The following RBFOX3 variants were observed in gnomAD, a reference collection of about 807,000 sequenced individuals.
The protein encoded by RBFOX3 is RNA binding fox-1 homolog 3, also known as RNA binding protein fox-1 homolog 3.
RBFOX3 carries 17 observed loss-of-function variants against 48.7 expected under a neutral mutation model. That is an observed-to-expected ratio of 0.35 (90% CI 0.24 to 0.52). RBFOX3 has a LOEUF of 0.52. Among genes scored for constraint, RBFOX3 ranks in the 20% least tolerant of loss-of-function variants. The pLI, the probability that RBFOX3 is intolerant of heterozygous loss-of-function variation, is 0.94. For missense variants in RBFOX3, 382 were observed against 497.5 expected, an observed-to-expected ratio of 0.77 and a Z score of 2.21; for synonymous variants, 212 against 209.5, an observed-to-expected ratio of 1.01 and a Z score of -0.10.
chr17:79,234,714 T>TTAAGTGC (rs2061426066), intron 4 of RBFOX3: 1 of 141,228 alleles, frequency 7.1e-6, no homozygotes, highest in Middle Eastern at 3.4e-3. Context: ...ATTGGGGGCA[T>TTAAGTGC]TAAGTGCTTT....
At chr17:79,505,483 C>T (rs2082972961) in intron 1 of RBFOX3, among the ~76,000 whole-genome samples, 1 of 152,166 alleles carries the variant, frequency 6.6e-6, no homozygotes, top group Admixed American at 6.5e-5. Flanking sequence ...CCTGGGCTGC[C>T]TCTCTTCCCT....
rs1447642150 is a variant in RBFOX3 at position 79,110,125 on chromosome 17, C to T, written c.223-3337G>A. Among the ~76,000 whole-genome samples the T allele has an allele frequency of 5.7e-5, 6 of 104,508 alleles. No individual in the cohort carries two copies. In the East Asian group the frequency reaches 1.7e-3, roughly 30 times the overall value. 68.6% of individuals were successfully genotyped at this position (104,508 alleles called of 152,430 possible). A position where few individuals can be genotyped will look rare whatever the true frequency, so the allele number is the denominator to read the frequency against. On this transcript the variant is annotated intron_variant, in intron 5 of 14. Coordinates refer to ENST00000693108, the MANE Select transcript of RBFOX3 (RefSeq NM_001350451.2). ...AGCTTTCTCAGGGGCTTTCTTTCCC[C>T]CACTCAAAAAAAAAAAAAAAAGCCG...
intron 1 of RBFOX3, among the ~76,000 whole-genome samples, chr17:79,529,317 C>T (rs1292266798): frequency 6.6e-6 from 1 of 152,248 alleles, no homozygotes; most frequent in Non-Finnish European, 1.5e-5. Flanking sequence ...CACCCCACCG[C>T]ATCACCTGAT....
intron 4 of RBFOX3, among the ~76,000 whole-genome samples, chr17:79,197,217 G>A (rs1237614835): frequency 6.6e-6 from 1 of 152,094 alleles, no homozygotes; most frequent in Admixed American, 6.6e-5. Context: ...GCCCTCCGTC[G>A]GGGCTGTCCA....
chr17:79,517,646 A>G lies in RBFOX3; in HGVS notation c.-319-35048T>C, dbSNP rs1334357152. ...GGACAACTCAAAAACTCCAAGGTGC[A>G]GTGAAAACCCCACCCAGCCCACCAC... On this transcript the variant is annotated intron_variant, in intron 1 of 14. Coordinates refer to ENST00000693108, the MANE Select transcript of RBFOX3 (RefSeq NM_001350451.2). Among the ~76,000 whole-genome samples the G allele has an allele frequency of 3.3e-5, 5 of 152,092 alleles. No individual in the cohort carries two copies. In the East Asian group the frequency reaches 9.7e-4, roughly 29 times the overall value.
intron 4 of RBFOX3, among the ~76,000 whole-genome samples, chr17:79,180,774 A>G (rs1385965312): frequency 6.6e-6 from 1 of 152,064 alleles, no homozygotes; most frequent in East Asian, 1.9e-4. Context: ...TCCGGAGTCC[A>G]CCGAGACACA....
chr17:79,265,013 T>C (rs1308530559), intron 3 of RBFOX3, among the ~76,000 whole-genome samples: 1 of 151,206 alleles, frequency 6.6e-6, no homozygotes, highest in African/African-American at 2.4e-5. Context: ...TGCATCAAAC[T>C]ACTACAGAAA....
At chr17:79,602,147 C>T (rs1228893430) in intron 1 of RBFOX3, 2 of 152,218 alleles carry the variant, frequency 1.3e-5, no homozygotes, top group African/African-American at 2.4e-5. Context: ...TCCCAGACAA[C>T]GTCACAAGGC....
chr17:79,419,959 T>C (rs1598612180), intron 2 of RBFOX3, among the ~76,000 whole-genome samples: 1 of 152,280 alleles, frequency 6.6e-6, no homozygotes, highest in East Asian at 1.9e-4. Flanking sequence ...AAACCTCGTC[T>C]CTACTAAAAT....
At chr17:79,584,581 A>G (rs1199035099) in intron 1 of RBFOX3, among the ~76,000 whole-genome samples, 12 of 151,832 alleles carry the variant, frequency 7.9e-5, no homozygotes, top group African/African-American at 2.9e-4. Flanking sequence ...TATGAATACT[A>G]CTCAGCCATA....
intron 2 of RBFOX3, among the ~76,000 whole-genome samples, chr17:79,460,220 A>G (rs1449490533): frequency 3.9e-5 from 6 of 152,290 alleles, no homozygotes; most frequent in African/African-American, 1.4e-4. Context: ...ATACCACTGA[A>G]TCGCACCCTT....
At chr17:79,382,494 G>C (rs542436625) in intron 2 of RBFOX3, among the ~76,000 whole-genome samples, 1 of 152,242 alleles carries the variant, frequency 6.6e-6, no homozygotes, top group Non-Finnish European at 1.5e-5. Flanking sequence ...GGGCAAACCT[G>C]TTTCCCATGT....
intron 14 of RBFOX3, chr17:79,091,906 T>C: frequency 3.2e-6 from 3 of 951,718 alleles, no homozygotes; most frequent in Non-Finnish European, 3.8e-6. Flanking sequence ...CACAGCAGTT[T>C]GCACACCACG....
the RBFOX3 span, among the ~76,000 whole-genome samples, chr17:79,656,215 T>C: frequency 3.3e-5 from 5 of 152,176 alleles, no homozygotes; most frequent in African/African-American, 1.2e-4. Flanking sequence ...CTGTTCTGCA[T>C]TTCTGGTCAC....
intron 3 of RBFOX3, among the ~76,000 whole-genome samples, chr17:79,295,727 T>C (rs140390707): frequency 6.6e-6 from 1 of 152,176 alleles, no homozygotes; most frequent in Non-Finnish European, 1.5e-5. Flanking sequence ...CCTGTGTCCA[T>C]CCCACAAGGA....
the RBFOX3 span, among the ~76,000 whole-genome samples, chr17:79,616,541 A>G: frequency 7.9e-4 from 118 of 148,944 alleles, 1 homozygote; most frequent in East Asian, 0.022. Flanking sequence ...ATCTCAAGAA[A>G]AAAAAAAAAA....
chr17:79,143,709 C>T lies in RBFOX3; in HGVS notation c.-33-27961G>A, dbSNP rs904795223. On this transcript the variant is annotated intron_variant, in intron 4 of 14. Transcript: ENST00000693108. Reference sequence around the variant, plus strand: ...GGGGACCGTCGTCCTCCAGCACAGGCCCCCACACCTGGAAGCCACTCTGCA... The same window carrying T: ...GGGGACCGTCGTCCTCCAGCACAGGTCCCCACACCTGGAAGCCACTCTGCA... Among the ~76,000 whole-genome samples the T allele has an allele frequency of 3.3e-5, 5 of 152,212 alleles. No homozygotes were observed. In the East Asian group the frequency reaches 7.7e-4, roughly 23 times the overall value.
At chr17:79,623,194 A>G in the RBFOX3 span, among the ~76,000 whole-genome samples, 1 of 152,222 alleles carries the variant, frequency 6.6e-6, no homozygotes, top group Non-Finnish European at 1.5e-5. Flanking sequence ...GAAACTGAGG[A>G]CTTGATAGAC....
intron 2 of RBFOX3, among the ~76,000 whole-genome samples, chr17:79,440,799 C>T (rs1294908288): frequency 6.6e-6 from 1 of 152,168 alleles, no homozygotes; most frequent in Admixed American, 6.5e-5. Flanking sequence ...CCTGCACCCC[C>T]TCATCAGCAT....
Sources: gnomAD v4.1 joint callset for allele counts (sites outside exome capture counted in the v4.1 genomes callset) on GRCh38, gnomAD v4.1.1 for gene constraint, MANE v1.5 for transcripts, NCBI Gene and HGNC (gene_info 2026-07-23, HGNC 2026-07-21) for gene names.